The following ROBO1 variants were observed in gnomAD, a reference collection of about 807,000 sequenced individuals.
The protein encoded by ROBO1 is roundabout guidance receptor 1.
A neutral mutation model predicts 195.9 loss-of-function variants in ROBO1; 149 were observed. The ratio of observed to expected loss-of-function variants is 0.76; its 90% confidence interval spans 0.67 to 0.87. The LOEUF is 0.87. Ranked by LOEUF, ROBO1 falls within the 40% of genes least tolerant of loss-of-function variation. The pLI, the probability that ROBO1 is intolerant of heterozygous loss-of-function variation, is 0.00. For missense variants in ROBO1, 1,933 were observed against 2,068.3 expected, an observed-to-expected ratio of 0.93 and a Z score of 1.27; for synonymous variants, 816 against 733.2, an observed-to-expected ratio of 1.11 and a Z score of -1.82.
intron 3 of ROBO1, among the ~76,000 whole-genome samples, chr3:78,941,167 G>T (rs1180534017): frequency 6.6e-6 from 1 of 152,130 alleles, no homozygotes; most frequent in Non-Finnish European, 1.5e-5. Context: ...AATTTGAAAT[G>T]CCAATAGTTG....
chr3:78,784,949 A>G (rs899383508), intron 4 of ROBO1, among the ~76,000 whole-genome samples: 2 of 152,220 alleles, frequency 1.3e-5, no homozygotes, highest in Non-Finnish European at 2.9e-5. Context: ...AAGCATTACT[A>G]AAGCAGACTG....
intron 4 of ROBO1, among the ~76,000 whole-genome samples, chr3:78,887,824 T>G (rs1325918857): frequency 6.6e-6 from 1 of 152,118 alleles, no homozygotes; most frequent in African/African-American, 2.4e-5. Flanking sequence ...AGTCAAATCC[T>G]AAATAAAGTT....
At chr3:78,659,910 A>C in intron 16 of ROBO1, 103 bp from the exon 17 acceptor site, 1 of 744,156 alleles carries the variant, frequency 1.3e-6, no homozygotes, top group Admixed American at 4.0e-5. Flanking sequence ...ATACTATATC[A>C]ATATATGCTT....
chr3:79,055,971 T>C (rs7615922), intron 3 of ROBO1, among the ~76,000 whole-genome samples: 145,537 of 152,092 alleles, frequency 0.96, 69,980 homozygotes, highest in East Asian at 1. Flanking sequence ...TTCTCCTGTG[T>C]TTCTAGTAAA....
At chr3:79,111,950 A>C (rs2079894563) in intron 3 of ROBO1, among the ~76,000 whole-genome samples, 3 of 152,194 alleles carry the variant, frequency 2.0e-5, no homozygotes, top group Non-Finnish European at 4.4e-5. Context: ...GGCTAGTCCA[A>C]AGCAAGATGT....
chr3:78,868,728 A>T (rs965847280), intron 4 of ROBO1, among the ~76,000 whole-genome samples: 1 of 152,182 alleles, frequency 6.6e-6, no homozygotes, highest in Admixed American at 6.6e-5. Flanking sequence ...AGCACAGCAT[A>T]AAAGGGGAAA....
At chr3:79,079,002 G>C (rs758336496) in intron 3 of ROBO1, among the ~76,000 whole-genome samples, 5 of 151,458 alleles carry the variant, frequency 3.3e-5, no homozygotes, top group Non-Finnish European at 7.4e-5. Context: ...AGAAATTATG[G>C]GTATAAATGT....
chr3:79,358,441 A>C (rs1483637746), intron 2 of ROBO1, among the ~76,000 whole-genome samples: 1 of 152,036 alleles, frequency 6.6e-6, no homozygotes, highest in African/African-American at 2.4e-5. Context: ...TATCCTGAGA[A>C]GCTATAAATG....
At chr3:79,390,567 C>T (rs973318216) in intron 2 of ROBO1, among the ~76,000 whole-genome samples, 5 of 152,038 alleles carry the variant, frequency 3.3e-5, no homozygotes, top group African/African-American at 1.2e-4. Flanking sequence ...GAGATGAATA[C>T]GTTTTAGGGA....
In ROBO1 at chr3:78,614,752, A is replaced by G. The variant is rs866588903; in HGVS notation, c.4331T>C (p.Val1444Ala). The G allele has an allele frequency of 6.2e-7, 1 of 1,613,422 alleles. No individual in the cohort carries two copies. The highest frequency in any genetic ancestry group is 8.5e-7 in the Non-Finnish European group (1 of 1,179,750). Residue 1444 changes from valine (V) to alanine (A), a missense_variant, in exon 28 of 31, where the codon GTG becomes GCG. Transcript: ENST00000464233. ...ASQCPRPTSP[V>A]STDSNMSAAV... The stretch of plus-strand genomic sequence containing the variant: ...GGCACTCATGTTGCTGTCTGTAGAC[A>G]CGGGACTTGTGGGCCTAGGGCACTG...
At chr3:79,280,675 C>T (rs2031434777) in intron 2 of ROBO1, among the ~76,000 whole-genome samples, 1 of 152,118 alleles carries the variant, frequency 6.6e-6, no homozygotes, top group Admixed American at 6.6e-5. Context: ...TTGTAGAAGC[C>T]AATTTTTCCA....
At chr3:79,150,135 G>A (rs1336634779) in intron 2 of ROBO1, among the ~76,000 whole-genome samples, 1 of 151,648 alleles carries the variant, frequency 6.6e-6, no homozygotes, top group Non-Finnish European at 1.5e-5. Context: ...TGAGGTTTTT[G>A]CTCCAATTAG....
chr3:79,319,937 A>C (rs2033904182), intron 2 of ROBO1, among the ~76,000 whole-genome samples: 1 of 152,212 alleles, frequency 6.6e-6, no homozygotes, highest in African/African-American at 2.4e-5. Context: ...AATATTAAAT[A>C]ACTTTTTCAA....
At chr3:79,327,018 G>T (rs188440816) in intron 2 of ROBO1, among the ~76,000 whole-genome samples, 98 of 152,110 alleles carry the variant, frequency 6.4e-4, no homozygotes, top group African/African-American at 2.2e-3. Flanking sequence ...AAAAAGGTAC[G>T]TTATGATGCT....
intron 10 of ROBO1, among the ~76,000 whole-genome samples, chr3:78,680,957 G>C (rs2080888746): frequency 6.6e-6 from 1 of 151,200 alleles, no homozygotes; most frequent in South Asian, 2.1e-4. Context: ...TGATAGACTG[G>C]ATTAAGAAAA....
intron 3 of ROBO1, among the ~76,000 whole-genome samples, chr3:79,083,400 A>G (rs893079314): frequency 2.0e-5 from 3 of 152,210 alleles, no homozygotes; most frequent in Non-Finnish European, 2.9e-5. Flanking sequence ...GTTGTGCTAT[A>G]TATAGATACC....
chr3:79,343,208 C>T (rs1423073761), intron 2 of ROBO1, among the ~76,000 whole-genome samples: 2 of 152,116 alleles, frequency 1.3e-5, no homozygotes, highest in Admixed American at 6.6e-5. Context: ...ATTCTATTGT[C>T]TGGATTTATT....
At chr3:79,290,430 CTCTT>C (rs2032176568) in intron 2 of ROBO1, among the ~76,000 whole-genome samples, 1 of 152,098 alleles carries the variant, frequency 6.6e-6, no homozygotes, top group South Asian at 2.1e-4. Context: ...TTAAGTCCCT[CTCTT>C]TCATTTAATC....
chr3:79,666,444 C>G (rs1390787065), intron 1 of ROBO1, among the ~76,000 whole-genome samples: 2 of 151,904 alleles, frequency 1.3e-5, no homozygotes, highest in Non-Finnish European at 2.9e-5. Flanking sequence ...TATGATTTGG[C>G]TATATCCCCA....
Sources: gnomAD v4.1 joint callset for allele counts (sites outside exome capture counted in the v4.1 genomes callset) on GRCh38, gnomAD v4.1.1 for gene constraint, MANE v1.5 for transcripts, NCBI Gene and HGNC (gene_info 2026-07-23, HGNC 2026-07-21) for gene names.